The following PLEKHB2 variants were observed in gnomAD, a reference collection of about 807,000 sequenced individuals.
PLEKHB2 encodes the protein pleckstrin homology domain containing B2.
In PLEKHB2, 31 loss-of-function variants were observed where a neutral mutation model predicts 36.5. The observed-to-expected ratio is 0.85, with a 90% CI of 0.64 to 1.15. PLEKHB2 has a LOEUF of 1.15. Among genes scored for constraint, PLEKHB2 ranks in the 50% most tolerant of loss-of-function variants. PLEKHB2 has a pLI of 0.00. For synonymous variants in PLEKHB2, 119 were observed against 112.0 expected (o/e 1.06, Z -0.39); for missense variants, 262 against 295.3 (o/e 0.89, Z 0.83).
chr2:131,130,782 C>G, intron 5 of PLEKHB2, 22 bp downstream of exon 5: 1 of 1,587,890 alleles, frequency 6.3e-7, no homozygotes, highest in Non-Finnish European at 8.6e-7. Context: ...ATGGCAATCA[C>G]CAATAATTTT....
intron 1 of PLEKHB2, among the ~76,000 whole-genome samples, chr2:131,108,587 A>G (rs372357012): frequency 2.0e-5 from 3 of 152,358 alleles, no homozygotes; most frequent in East Asian, 3.9e-4. Context: ...AAGGCCATAC[A>G]TAAAATACAC....
intron 1 of PLEKHB2, among the ~76,000 whole-genome samples, chr2:131,115,738 T>TAA (rs1695812214): frequency 6.6e-6 from 1 of 152,176 alleles, no homozygotes; most frequent in Non-Finnish European, 1.5e-5. Context: ...CAGCCTTAGT[T>TAA]GGTTGTAATA....
At chr2:131,125,618 T>G in intron 2 of PLEKHB2, 135 bp from the exon 3 acceptor site, 1 of 653,800 alleles carries the variant, frequency 1.5e-6, no homozygotes, top group Non-Finnish European at 2.5e-6. Context: ...AATGGGAGGA[T>G]TGCTTGAGCC....
At chr2:131,142,576 C>CTTTT (rs1041202610) in intron 7 of PLEKHB2, among the ~76,000 whole-genome samples, 1 of 130,044 alleles carries the variant, frequency 7.7e-6, no homozygotes, top group Non-Finnish European at 1.7e-5. Flanking sequence ...CTTTTTTTTT[C>CTTTT]TTTTTTTTTT....
chr2:131,117,739 G>T (rs1696036333), intron 1 of PLEKHB2, among the ~76,000 whole-genome samples: 1 of 150,502 alleles, frequency 6.6e-6, no homozygotes, highest in South Asian at 2.1e-4. Flanking sequence ...TGTGTTCTGG[G>T]TTAATAACCC....
At chr2:131,146,567 C>G in intron 7 of PLEKHB2, 70 bp from the exon 8 acceptor site, 1 of 1,494,196 alleles carries the variant, frequency 6.7e-7, no homozygotes, top group Non-Finnish European at 9.1e-7. Flanking sequence ...GAAAGGAGAA[C>G]TGGTACTTTG....
At chr2:131,115,697 A>G (rs1695805542) in intron 1 of PLEKHB2, among the ~76,000 whole-genome samples, 1 of 152,086 alleles carries the variant, frequency 6.6e-6, no homozygotes, top group Non-Finnish European at 1.5e-5. Flanking sequence ...AATATATCTC[A>G]TTTTAATCAT....
intron 6 of PLEKHB2, among the ~76,000 whole-genome samples, chr2:131,137,102 A>G (rs1266103681): frequency 2.0e-5 from 3 of 151,400 alleles, no homozygotes; most frequent in Non-Finnish European, 2.9e-5. Flanking sequence ...GCCTGCCACC[A>G]CACCCGGCTA....
intron 2 of PLEKHB2, among the ~76,000 whole-genome samples, chr2:131,124,256 A>G (rs545058957): frequency 1.3e-5 from 2 of 152,316 alleles, no homozygotes; most frequent in East Asian, 1.9e-4. Flanking sequence ...AGTGCCTGAT[A>G]CTACTGGCAG....
chr2:131,124,803 G>T (rs112555613), intron 2 of PLEKHB2, among the ~76,000 whole-genome samples: 3,281 of 143,332 alleles, frequency 0.023, 116 homozygotes, highest in African/African-American at 0.079. Context: ...TTTTTTTTTT[G>T]GAGACGGAGT....
intron 1 of PLEKHB2, among the ~76,000 whole-genome samples, chr2:131,105,807 A>G (rs1694654567): frequency 6.6e-6 from 1 of 151,812 alleles, no homozygotes; most frequent in African/African-American, 2.4e-5. Flanking sequence ...GCCGCTCGGG[A>G]GTGTCCCACA....
rs1699366378 is a variant in PLEKHB2 at position 131,147,279 on chromosome 2, C to T, written c.*506C>T. On this transcript the variant is annotated 3_prime_UTR_variant, in exon 8 of 8. Transcript: ENST00000693505. Reference sequence around the variant, plus strand: ...TTCCCGAGGCTATGGTGTGAGAGCCCCCGTCCTGCCCTCTGGGGCTCCACA... The same window carrying T: ...TTCCCGAGGCTATGGTGTGAGAGCCTCCGTCCTGCCCTCTGGGGCTCCACA... 1.3e-5 allele frequency: 2 copies of T among 152,292 alleles called. No individual in the cohort carries two copies. Among genetic ancestry groups the T allele is most frequent in the East Asian group, 1.9e-4 (1 of 5,192 alleles). The allele number at this position is 152,292 out of a possible 1,614,324, so 9.4% of individuals were successfully genotyped here.
intron 1 of PLEKHB2, among the ~76,000 whole-genome samples, chr2:131,119,748 C>A (rs1462007935): frequency 6.6e-6 from 1 of 151,972 alleles, no homozygotes; most frequent in East Asian, 1.9e-4. Context: ...TTCATTTGTG[C>A]CCACCTGAGA....
intron 1 of PLEKHB2, among the ~76,000 whole-genome samples, chr2:131,107,249 TGTTA>T (rs1267391777): frequency 2.0e-5 from 3 of 152,218 alleles, no homozygotes; most frequent in Non-Finnish European, 4.4e-5. Context: ...CCAGTTGTTT[TGTTA>T]GTTATATATT....
At chr2:131,144,495 C>A in intron 7 of PLEKHB2, 2 of 715,294 alleles carry the variant, frequency 2.8e-6, no homozygotes, top group South Asian at 7.1e-5. Context: ...ATAGTCCTCC[C>A]ATCCTCCCAT....
At chr2:131,109,383 G>A (rs949040281) in intron 1 of PLEKHB2, among the ~76,000 whole-genome samples, 5 of 152,176 alleles carry the variant, frequency 3.3e-5, no homozygotes, top group African/African-American at 7.2e-5. Context: ...AATAATACAT[G>A]TACATAGATT....
In PLEKHB2 at chr2:131,148,603, C is replaced by G. The variant is rs1243346591; in HGVS notation, c.*1830C>G. 1.3e-5 allele frequency: 2 copies of G among 152,212 alleles called. No individual in the cohort carries two copies. The highest frequency in any genetic ancestry group is 2.1e-4 in the South Asian group (1 of 4,834). 9.4% of individuals were successfully genotyped at this position (152,212 alleles called of 1,614,324 possible). On this transcript the variant is annotated 3_prime_UTR_variant, in exon 8 of 8. Transcript: ENST00000693505. ...CACCTCCCTCTGAGGCCAACTTAGG[C>G]CAACCTACATAGGACTCCATCTTTA...
At chr2:131,115,323 C>T (rs1448467731) in intron 1 of PLEKHB2, among the ~76,000 whole-genome samples, 1 of 144,516 alleles carries the variant, frequency 6.9e-6, no homozygotes, top group African/African-American at 2.6e-5. Context: ...AAAGCCAAAC[C>T]ATTATCAGAA....
At chr2:131,120,877 G>A (rs764202870) in intron 1 of PLEKHB2, 57 bp from the exon 2 acceptor site, 154 of 1,541,336 alleles carry the variant, frequency 1.0e-4, no homozygotes, top group Non-Finnish European at 1.2e-4. Flanking sequence ...GACTCGGGCC[G>A]GACAGGCTAT....
Sources: gnomAD v4.1 joint callset for allele counts (sites outside exome capture counted in the v4.1 genomes callset) on GRCh38, gnomAD v4.1.1 for gene constraint, MANE v1.5 for transcripts, NCBI Gene and HGNC (gene_info 2026-07-23, HGNC 2026-07-21) for gene names.